DGLUCY: variants seen among roughly 807,000 people sequenced by gnomAD.
The protein encoded by DGLUCY is D-glutamate cyclase, also known as D-glutamate cyclase, mitochondrial.
DGLUCY carries 58 observed loss-of-function variants against 58.5 expected under a neutral mutation model. The observed-to-expected ratio is 0.99, with a 90% CI of 0.80 to 1.23. DGLUCY has a LOEUF of 1.23. Ranked by LOEUF, DGLUCY falls within the 50% of genes most tolerant of loss-of-function variation. The pLI is 0.00. For synonymous variants in DGLUCY, 325 were observed against 314.1 expected (o/e 1.03, Z -0.37); for missense variants, 779 against 784.7 (o/e 0.99, Z 0.09).
At chr14:91,196,923 C>T (rs554716169) in intron 10 of DGLUCY, among the ~76,000 whole-genome samples, 54 of 152,182 alleles carry the variant, frequency 3.5e-4, no homozygotes, top group Non-Finnish European at 6.5e-4. Context: ...AGACTGTGTA[C>T]ATGCAAGTGT....
Position 91,181,292 on chromosome 14 carries a change from C to A in DGLUCY, c.837C>A (p.Val279=). 1 of 1,614,154 alleles carries A rather than the reference C, an allele frequency of 6.2e-7. No individual in the cohort carries two copies. The stretch of plus-strand genomic sequence containing the variant: ...TCACCCCAGAGAGAATTCCAGAGGT[C>A]CATCACATTTCCCAAGATCCTCTGC... ...GCLTPERIPE[V]HHISQDPLHY... Residue 279 remains valine, a synonymous_variant, in exon 8 of 14, where the codon GTC becomes GTA. Transcript: ENST00000256324.
chr14:91,117,686 C>T (rs928939003), intron 1 of DGLUCY, among the ~76,000 whole-genome samples: 11 of 150,966 alleles, frequency 7.3e-5, no homozygotes, highest in Non-Finnish European at 1.5e-4. Context: ...CACACACACA[C>T]GCCAAACTGT....
chr14:91,187,530 C>G (rs138878172), intron 8 of DGLUCY, among the ~76,000 whole-genome samples: 23 of 152,340 alleles, frequency 1.5e-4, no homozygotes, highest in African/African-American at 5.3e-4. Flanking sequence ...ACCTGTAGCA[C>G]ACACCGCAGC....
chr14:91,180,770 G>A (rs1243045741), intron 7 of DGLUCY, among the ~76,000 whole-genome samples: 1 of 152,118 alleles, frequency 6.6e-6, no homozygotes, highest in African/African-American at 2.4e-5. Flanking sequence ...TAGAAACGAT[G>A]CCATAAGGAA....
chr14:91,154,191 C>T (rs2047483256), intron 1 of DGLUCY, among the ~76,000 whole-genome samples: 1 of 152,174 alleles, frequency 6.6e-6, no homozygotes, highest in Non-Finnish European at 1.5e-5. Flanking sequence ...CAGGCGTGAA[C>T]CACCATGCCT....
At chr14:91,133,156 G>A (rs938580469) in intron 1 of DGLUCY, among the ~76,000 whole-genome samples, 2 of 151,966 alleles carry the variant, frequency 1.3e-5, no homozygotes, top group Non-Finnish European at 2.9e-5. Context: ...TTAGCCGGGC[G>A]TGGTAGCAGG....
intron 1 of DGLUCY, among the ~76,000 whole-genome samples, chr14:91,074,116 TATACACACAC>T (rs1210809319): frequency 1.4e-4 from 11 of 77,494 alleles, no homozygotes; most frequent in East Asian, 3.3e-4. Context: ...TATATATATA[TATACACACAC>T]ACACACACAC....
intron 1 of DGLUCY, 25 bp downstream of exon 1, chr14:91,114,308 A>T (rs1186211207): frequency 6.6e-6 from 1 of 152,334 alleles, no homozygotes; most frequent in Non-Finnish European, 1.5e-5. Flanking sequence ...AACAGAGCAC[A>T]GCACAGTCCC....
At chr14:91,165,786 C>T (rs2048249493) in intron 3 of DGLUCY, among the ~76,000 whole-genome samples, 1 of 152,200 alleles carries the variant, frequency 6.6e-6, no homozygotes, top group South Asian at 2.1e-4. Context: ...TTGGCACAAC[C>T]ACTTTGGAAA....
Position 91,177,968 on chromosome 14 carries a change from G to A in DGLUCY, c.730+1912G>A, listed in dbSNP as rs1181929699. ...TGTGTGTAGACACACCCACCCACGT[G>A]CAGTAAACGTCCCCCAGCCCAGTGG... is the stretch of plus-strand genomic sequence containing the variant. On this transcript the variant is annotated intron_variant, in intron 7 of 13. Transcript: ENST00000256324. Among the ~76,000 whole-genome samples, 3 of 152,306 alleles carry A rather than the reference G, an allele frequency of 2.0e-5. No individual in the cohort carries two copies. The East Asian group carries it at 5.8e-4, about 29-fold the overall frequency.
chr14:91,121,561 C>T (rs766745581), intron 1 of DGLUCY, among the ~76,000 whole-genome samples: 4 of 150,810 alleles, frequency 2.7e-5, no homozygotes, highest in Non-Finnish European at 5.9e-5. Flanking sequence ...TGGTGGCGAT[C>T]GCGCCACTGC....
chr14:91,142,840 A>AACACACACACACAC (rs558892923), intron 1 of DGLUCY, among the ~76,000 whole-genome samples: 17 of 124,302 alleles, frequency 1.4e-4, no homozygotes, highest in African/African-American at 5.2e-4. Context: ...ATCTCTACTA[A>AACACACACACACAC]ACACACACAC....
intron 1 of DGLUCY, among the ~76,000 whole-genome samples, chr14:91,077,656 G>A (rs1360872609): frequency 6.6e-6 from 1 of 151,912 alleles, no homozygotes; most frequent in Non-Finnish European, 1.5e-5. Context: ...GGAGGCTGAG[G>A]CAGGCGAATC....
chr14:91,134,891 C>T (rs1401251995), intron 1 of DGLUCY, among the ~76,000 whole-genome samples: 1 of 151,962 alleles, frequency 6.6e-6, no homozygotes, highest in African/African-American at 2.4e-5. Context: ...ATAATATCTG[C>T]ACGTTTTTTC....
Position 91,213,446 on chromosome 14 carries a change from T to A in DGLUCY, c.1565-1959T>A, listed in dbSNP as rs536017487. On this transcript the variant is annotated intron_variant, in intron 12 of 13. Transcript: ENST00000256324. ...CAAGACTTGCTCTCAAAAAAAAAAA[T>A]AATAATTATTGATGACAAGAATTAA... Among the ~76,000 whole-genome samples the A allele has an allele frequency of 2.7e-3, 413 of 151,620 alleles. 1 individual carries two copies. The highest frequency in any genetic ancestry group is 9.5e-3 in the East Asian group (49 of 5,160).
intron 1 of DGLUCY, among the ~76,000 whole-genome samples, chr14:91,156,625 T>A (rs530272321): frequency 1.3e-5 from 2 of 152,350 alleles, no homozygotes; most frequent in East Asian, 1.9e-4. Context: ...GGGTTGACTG[T>A]CTGTGGGGCT....
chr14:91,149,622 A>G (rs1192135289), intron 1 of DGLUCY, among the ~76,000 whole-genome samples: 2 of 152,146 alleles, frequency 1.3e-5, no homozygotes, highest in Non-Finnish European at 2.9e-5. Flanking sequence ...CGTGCATCAT[A>G]TTTTGTGGTT....
intron 1 of DGLUCY, among the ~76,000 whole-genome samples, chr14:91,133,434 A>T (rs900175692): frequency 7.2e-5 from 11 of 152,226 alleles, no homozygotes; most frequent in African/African-American, 2.7e-4. Flanking sequence ...ATTGTGGATA[A>T]TACTGCTATG....
chr14:91,121,330 C>G (rs2045344908), intron 1 of DGLUCY, among the ~76,000 whole-genome samples: 1 of 152,176 alleles, frequency 6.6e-6, no homozygotes, highest in Non-Finnish European at 1.5e-5. Flanking sequence ...GCTACCTGCT[C>G]TGTACCTAAG....
Sources: gnomAD v4.1 joint callset for allele counts (sites outside exome capture counted in the v4.1 genomes callset) on GRCh38, gnomAD v4.1.1 for gene constraint, MANE v1.5 for transcripts, NCBI Gene and HGNC (gene_info 2026-07-23, HGNC 2026-07-21) for gene names.